Variants in MCM8 observed in about 807,000 individuals in gnomAD.
MCM8 encodes minichromosome maintenance 8 homologous recombination repair factor.
A neutral mutation model predicts 98.9 loss-of-function variants in MCM8; 85 were observed. That is an observed-to-expected ratio of 0.86 (90% CI 0.72 to 1.03). The LOEUF (loss-of-function observed/expected upper bound fraction) is 1.03, where lower values mean the gene tolerates loss of function less well. Among genes scored for constraint, MCM8 ranks in the 50% least tolerant of loss-of-function variants. The pLI is 0.00. For missense variants in MCM8, 951 were observed against 997.8 expected, an observed-to-expected ratio of 0.95 and a Z score of 0.63; for synonymous variants, 352 against 338.6, an observed-to-expected ratio of 1.04 and a Z score of -0.44.
Position 5,977,982 on chromosome 20 carries a change from C to G in MCM8, c.1502C>G (p.Ala501Gly). Reference sequence around the variant, plus strand: ...AAAGATAGTTCCTCTGGAGATTTTGCTTTGGAAGCTGGTGCCCTGGTACTT... The same window carrying G: ...AAAGATAGTTCCTCTGGAGATTTTGGTTTGGAAGCTGGTGCCCTGGTACTT... ...LSKDSSSGDF[A>G]LEAGALVLGD... The change falls in exon 13 of 19, where the codon GCT (alanine) becomes GGT (glycine). Residue 501 changes from alanine to glycine, a missense_variant. Physicochemically the swap from Ala to Gly is moderately conservative, Grantham distance 60 (BLOSUM62 0). Transcript: ENST00000610722. 6.2e-7 allele frequency: 1 copy of G among 1,614,184 alleles called. No individual in the cohort carries two copies. The highest frequency in any genetic ancestry group is 8.5e-7 in the Non-Finnish European group (1 of 1,180,028).
chr20:5,957,461 G>A (rs530748997), intron 6 of MCM8, among the ~76,000 whole-genome samples: 28 of 152,206 alleles, frequency 1.8e-4, no homozygotes, highest in African/African-American at 5.3e-4. Context: ...GCAGATTTTT[G>A]TAAACATTGG....
chr20:5,991,829 G>A (rs1252187015), intron 17 of MCM8, among the ~76,000 whole-genome samples: 1 of 152,130 alleles, frequency 6.6e-6, no homozygotes, highest in Non-Finnish European at 1.5e-5. Flanking sequence ...GTTGACCTTA[G>A]TAATGATTCA....
In MCM8 at chr20:5,963,187, A is replaced by G. The variant is rs2122697890; in HGVS notation, c.790-87A>G. On this transcript the variant is annotated intron_variant, in intron 7 of 18. Transcript: ENST00000610722. ...TCCTGAGACCAACTTTTAAAACAAT[A>G]TTAAATGAAATGTTTTAACTGAATT... 26 of 1,004,546 alleles carry G rather than the reference A, an allele frequency of 2.6e-5. No homozygotes were observed. The South Asian group carries it at 3.2e-4, about 12-fold the overall frequency. The allele number at this position is 1,004,546 out of a possible 1,614,324, so 62.2% of individuals were successfully genotyped here.
In MCM8 at chr20:5,967,699, A is replaced by C. The variant is rs1028717526; in HGVS notation, c.1027+112A>C. The C allele has an allele frequency of 3.6e-6, 5 of 1,393,532 alleles. No homozygotes were observed. The African/African-American group carries it at 4.3e-5, about 12-fold the overall frequency. 86.3% of individuals were successfully genotyped at this position (1,393,532 alleles called of 1,614,324 possible). ...ATTTGAGGAATTTCTTGTTGCTTAC[A>C]TAAGATGAAACATTCCCTTTTAAAA... is the stretch of plus-strand genomic sequence containing the variant. On this transcript the variant is annotated intron_variant, in intron 9 of 18. Coordinates refer to ENST00000610722, the MANE Select transcript of MCM8 (RefSeq NM_032485.6).
chr20:5,976,312 T>C (rs571642626), intron 12 of MCM8, among the ~76,000 whole-genome samples: 1 of 152,302 alleles, frequency 6.6e-6, no homozygotes, highest in South Asian at 2.1e-4. Flanking sequence ...TAGTCCCAGC[T>C]ACTAGGGAAG....
chr20:5,980,873 CA>C (rs36027696), intron 13 of MCM8, among the ~76,000 whole-genome samples: 28,514 of 87,892 alleles, frequency 0.32, 3,717 homozygotes, highest in African/African-American at 0.48. Flanking sequence ...CTCTGTCTCT[CA>C]AAAAAAAAAA....
intron 16 of MCM8, 60 bp from the exon 17 acceptor site, chr20:5,987,222 G>T: frequency 1.3e-6 from 2 of 1,500,944 alleles, no homozygotes; most frequent in South Asian, 2.4e-5. Flanking sequence ...GTAAAGCTTA[G>T]ACATACTATG....
At chr20:5,961,561 G>A (rs379418) in intron 7 of MCM8, among the ~76,000 whole-genome samples, 33,800 of 152,094 alleles carry the variant, frequency 0.22, 5,309 homozygotes, top group African/African-American at 0.45. Context: ...GTTTCATCTG[G>A]TGTTTGTCTT....
intron 12 of MCM8, 83 bp from the exon 13 acceptor site, chr20:5,977,793 T>C: frequency 1.4e-6 from 2 of 1,456,384 alleles, no homozygotes; most frequent in Non-Finnish European, 1.9e-6. Context: ...ACCTAGCATA[T>C]ACCTAACGTT....
At chr20:5,965,383 G>T (rs1157545731) in intron 8 of MCM8, 1 of 152,008 alleles carries the variant, frequency 6.6e-6, no homozygotes, top group Non-Finnish European at 1.5e-5. Flanking sequence ...TCCATTTTAG[G>T]GGCCATTAAC....
At chr20:5,979,820 C>G (rs183530934) in intron 13 of MCM8, among the ~76,000 whole-genome samples, 83 of 152,308 alleles carry the variant, frequency 5.4e-4, no homozygotes, top group Admixed American at 1.3e-4. Context: ...TTGTGTTACT[C>G]TTGCTCATAA....
chr20:5,988,569 A>G (rs888912448), intron 17 of MCM8, among the ~76,000 whole-genome samples: 3 of 152,112 alleles, frequency 2.0e-5, no homozygotes, highest in Non-Finnish European at 4.4e-5. Flanking sequence ...TTGTGTGACT[A>G]CATATCTATA....
At chr20:5,983,274 A>G in intron 14 of MCM8, 109 bp downstream of exon 14, 1 of 968,294 alleles carries the variant, frequency 1.0e-6, no homozygotes, top group Non-Finnish European at 1.5e-6. Flanking sequence ...TATTTCACAG[A>G]AGTTATAAAT....
chr20:5,991,966 A>T (rs2122843570), intron 17 of MCM8, among the ~76,000 whole-genome samples: 1 of 152,354 alleles, frequency 6.6e-6, no homozygotes, highest in East Asian at 1.9e-4. Context: ...GAATAAGAAA[A>T]TTCTTAAACT....
At chr20:5,955,783 T>C (rs996201629) in intron 5 of MCM8, among the ~76,000 whole-genome samples, 5 of 152,188 alleles carry the variant, frequency 3.3e-5, no homozygotes, top group African/African-American at 1.2e-4. Context: ...AAATTTATTT[T>C]TTATTTATTT....
At chr20:5,951,447 A>T (rs995363757) in intron 1 of MCM8, among the ~76,000 whole-genome samples, 11 of 132,364 alleles carry the variant, frequency 8.3e-5, no homozygotes, top group African/African-American at 3.2e-4. Flanking sequence ...GTACAGGTAT[A>T]TCTTTATTTA....
chr20:5,952,272 C>A, intron 2 of MCM8, 109 bp downstream of exon 2: 1 of 1,562,870 alleles, frequency 6.4e-7, no homozygotes, highest in Admixed American at 1.9e-5. Context: ...TTTCATGCTA[C>A]TCCTTAGTAA....
chr20:5,983,257 A>C (rs2089666126), intron 14 of MCM8, 92 bp downstream of exon 14: 7 of 1,095,384 alleles, frequency 6.4e-6, no homozygotes, highest in Non-Finnish European at 3.8e-6. Flanking sequence ...CAGGGGAAAA[A>C]CATGGATATT....
chr20:5,967,355 C>A, intron 8 of MCM8, 81 bp from the exon 9 acceptor site: 1 of 1,248,234 alleles, frequency 8.0e-7, no homozygotes, highest in Non-Finnish European at 1.1e-6. Flanking sequence ...TCCTCAGCAT[C>A]ATGTGAACCC....
Sources: allele counts gnomAD v4.1 joint callset (sites outside exome capture counted in the v4.1 genomes callset), GRCh38; gene constraint gnomAD v4.1.1; transcripts MANE v1.5; gene names NCBI Gene and HGNC (gene_info 2026-07-23, HGNC 2026-07-21).